The following BTBD8 variants were observed in gnomAD, a reference collection of about 807,000 sequenced individuals.
The protein encoded by BTBD8 is BTB domain containing 8, also known as BTB/POZ domain-containing protein 8.
A neutral mutation model predicts 162.9 loss-of-function variants in BTBD8; 110 were observed. The observed-to-expected ratio is 0.68, with a 90% confidence interval of 0.58 to 0.79. BTBD8 has a LOEUF of 0.79. Ranked by LOEUF, BTBD8 falls within the 30% of genes least tolerant of loss-of-function variation. The pLI, the probability that BTBD8 is intolerant of heterozygous loss-of-function variation, is 0.00. For synonymous variants in BTBD8, 667 were observed against 716.1 expected (o/e 0.93, Z 1.10); for missense variants, 1,905 against 2,085.4 (o/e 0.91, Z 1.68).
At chr1:92,126,392 A>G (rs1649361228) in intron 4 of BTBD8, 6 of 734,792 alleles carry the variant, frequency 8.2e-6, no homozygotes, top group South Asian at 5.3e-5. Flanking sequence ...CTAGATTTGA[A>G]TGTGCTCTTG....
At position 92,119,509 on chromosome 1, in the gene BTBD8, C is replaced by T. The variant is rs192119019; in HGVS notation, c.663-10178C>T. On this transcript the variant is annotated intron_variant, in intron 4 of 17. Coordinates refer to ENST00000636805, the MANE Select transcript of BTBD8 (RefSeq NM_001376131.1). ...CTGCGCTGGCCAGGCCAGTTTCACA[C>T]GCCTGGGCTCAAACAGTCCTCCTGC... Among the ~76,000 whole-genome samples, 184 of 152,146 alleles carry T rather than the reference C, an allele frequency of 1.2e-3. 1 individual carries two copies. Among genetic ancestry groups the T allele is most frequent in the African/African-American group, 4.1e-3 (170 of 41,542 alleles).
intron 1 of BTBD8, among the ~76,000 whole-genome samples, chr1:92,086,325 T>C (rs1296408954): frequency 6.6e-6 from 1 of 152,170 alleles, no homozygotes; most frequent in Non-Finnish European, 1.5e-5. Context: ...TTTTAGACCC[T>C]GGACCGCAGA....
intron 13 of BTBD8, among the ~76,000 whole-genome samples, chr1:92,175,329 A>AT (rs1309095539): frequency 6.6e-6 from 1 of 151,892 alleles, no homozygotes; most frequent in Non-Finnish European, 1.5e-5. Flanking sequence ...AAATACAAAA[A>AT]TTAGCTGGGC....
intron 5 of BTBD8, among the ~76,000 whole-genome samples, chr1:92,137,535 A>G (rs925075935): frequency 6.6e-6 from 1 of 152,250 alleles, no homozygotes. Context: ...ATATAGATGA[A>G]TAATGTCTGT....
At chr1:92,130,574 G>A (rs1367707146) in intron 5 of BTBD8, among the ~76,000 whole-genome samples, 8 of 138,312 alleles carry the variant, frequency 5.8e-5, no homozygotes, top group African/African-American at 1.7e-4. Flanking sequence ...ACACATATAC[G>A]CACACACACA....
At chr1:92,122,549 G>T (rs555305569) in intron 4 of BTBD8, among the ~76,000 whole-genome samples, 2 of 146,786 alleles carry the variant, frequency 1.4e-5, no homozygotes, top group African/African-American at 5.1e-5. Flanking sequence ...GAGCCACCGC[G>T]CCTGGTCTTT....
chr1:92,175,250 G>C (rs1178483330), intron 13 of BTBD8, among the ~76,000 whole-genome samples: 1 of 152,054 alleles, frequency 6.6e-6, no homozygotes, highest in East Asian at 1.9e-4. Flanking sequence ...GGAGGCTGAG[G>C]TGGGTGGATC....
chr1:92,106,249 G>A (rs1467679146), intron 3 of BTBD8, among the ~76,000 whole-genome samples: 1 of 152,152 alleles, frequency 6.6e-6, no homozygotes, highest in Non-Finnish European at 1.5e-5. Flanking sequence ...TTTAGTCAAA[G>A]TTAAGACCAT....
intron 9 of BTBD8, among the ~76,000 whole-genome samples, chr1:92,148,833 G>A (rs372782244): frequency 6.6e-6 from 1 of 152,214 alleles, no homozygotes; most frequent in East Asian, 1.9e-4. Context: ...TGGCAAAGAA[G>A]GGGAATTATT....
rs376860487 is a variant in BTBD8, at chr1:92,181,112, A to G, written c.3429A>G (p.Glu1143=). The G allele has an allele frequency of 6.4e-7, 1 of 1,551,506 alleles. No individual in the cohort carries two copies. Among genetic ancestry groups the G allele is most frequent in the African/African-American group, 1.4e-5 (1 of 73,056 alleles). ...TNKQSSIKCV[E]DVSLCNPERT... is the part of the protein sequence containing the mutation. ...AACAATCAAGTATTAAATGTGTGGA[A>G]GATGTTTCACTGTGTAATCCTGAAA... is the stretch of plus-strand genomic sequence containing the variant. The change falls in exon 17 of 18, where the codon GAA becomes GAG. Residue 1143 remains glutamate (E), a synonymous_variant. Coordinates refer to ENST00000636805, the MANE Select transcript of BTBD8 (RefSeq NM_001376131.1).
intron 5 of BTBD8, among the ~76,000 whole-genome samples, chr1:92,133,887 G>T (rs990469462): frequency 6.6e-6 from 1 of 151,896 alleles, no homozygotes; most frequent in Non-Finnish European, 1.5e-5. Context: ...GCAGAATGGC[G>T]TGAACCCAGG....
At chr1:92,141,506 A>G (rs1011444439) in intron 7 of BTBD8, among the ~76,000 whole-genome samples, 3 of 152,140 alleles carry the variant, frequency 2.0e-5, no homozygotes, top group African/African-American at 7.2e-5. Flanking sequence ...GTTAAGAACT[A>G]AGGTTACTTT....
intron 17 of BTBD8, 87 bp from the exon 18 acceptor site, chr1:92,183,777 C>G: frequency 2.0e-6 from 1 of 488,628 alleles, no homozygotes; most frequent in Admixed American, 5.1e-5. Context: ...TTTTGACTAT[C>G]ACTGTTATAT....
chr1:92,113,586 T>A (rs974144723), intron 4 of BTBD8, among the ~76,000 whole-genome samples: 5 of 152,218 alleles, frequency 3.3e-5, no homozygotes, highest in Admixed American at 6.5e-5. Flanking sequence ...TTTCTAGGGC[T>A]AGACCTGCCT....
intron 5 of BTBD8, among the ~76,000 whole-genome samples, chr1:92,132,840 G>A (rs190321413): frequency 1.3e-5 from 2 of 152,252 alleles, no homozygotes; most frequent in East Asian, 3.9e-4. Context: ...TTTTGTTGTT[G>A]TTGTTCAAAT....
In BTBD8 at chr1:92,139,363, G is replaced by T; in HGVS notation, c.766G>T (p.Glu256Ter). The T allele has an allele frequency of 6.3e-7, 1 of 1,588,206 alleles. No homozygotes were observed. Among genetic ancestry groups the T allele is most frequent in the Non-Finnish European group, 8.5e-7 (1 of 1,172,938 alleles). Residue 256 changes from glutamate (E) to a stop codon, truncating the protein, a stop_gained, in exon 6 of 18, where the codon GAA (glutamate) becomes TAA (stop). Coordinates refer to ENST00000636805, the MANE Select transcript of BTBD8 (RefSeq NM_001376131.1). LOFTEE classifies it high-confidence loss of function. ...YVTLQGISHV[E>*]LNVMMHFIYG... is the part of the protein sequence containing the mutation. ...TTTATTTTTCAGTATAAGCCATGTA[G>T]AACTGAATGTTATGATGCATTTTAT... is the stretch of plus-strand genomic sequence containing the variant.
chr1:92,184,268 T>C lies in BTBD8; in HGVS notation c.5317T>C (p.Ser1773Pro). The C allele has an allele frequency of 6.4e-7, 1 of 1,551,622 alleles. No individual in the cohort carries two copies. Among genetic ancestry groups the C allele is most frequent in the Non-Finnish European group, 8.7e-7 (1 of 1,146,842 alleles). ...SSASITMASFSSEDCSPQGEW... is the reference protein window; with the variant it reads ...SSASITMASFPSEDCSPQGEW... The stretch of plus-strand genomic sequence containing the variant: ...AGCGAGCATCACCATGGCTAGTTTT[T>C]CCTCTGAAGATTGTTCGCCTCAAGG... The change falls in exon 18 of 18, where the codon TCC becomes CCC. Residue 1773 changes from serine (S) to proline (P), a missense_variant. Transcript: ENST00000636805.
At chr1:92,162,443 A>G (rs1237617435) in intron 9 of BTBD8, among the ~76,000 whole-genome samples, 1 of 152,226 alleles carries the variant, frequency 6.6e-6, no homozygotes, top group Non-Finnish European at 1.5e-5. Flanking sequence ...TGTCCTTCAT[A>G]GCTCTTCAGG....
At position 92,178,050 on chromosome 1, in the gene BTBD8, A is replaced by G. The variant is rs567499840; in HGVS notation, c.2441+152A>G. ...AACACAGTTTTTTATTTATTAAAAG[A>G]AATTAGTATATGCAAAATGATTGAG... On this transcript the variant is annotated intron_variant, in intron 15 of 17. Transcript: ENST00000636805. Among the ~76,000 whole-genome samples the G allele has an allele frequency of 7.9e-5, 12 of 152,258 alleles. No homozygotes were observed. In the South Asian group the frequency reaches 2.5e-3, roughly 32 times the overall value.
Sources: gnomAD v4.1 joint callset for allele counts (sites outside exome capture counted in the v4.1 genomes callset) on GRCh38, gnomAD v4.1.1 for gene constraint, MANE v1.5 for transcripts, NCBI Gene and HGNC (gene_info 2026-07-23, HGNC 2026-07-21) for gene names.